The following CNBD1 variants were observed in gnomAD, a reference collection of about 807,000 sequenced individuals.
CNBD1 encodes cyclic nucleotide binding domain containing 1, also known as cyclic nucleotide-binding domain-containing protein 1.
CNBD1 carries 71 observed loss-of-function variants against 54.4 expected under a neutral mutation model. The observed-to-expected ratio is 1.30, with a 90% confidence interval of 1.08 to 1.59. The LOEUF is 1.59. CNBD1 is among the 40% of genes most tolerant of loss of function. The pLI is 0.00. For missense variants in CNBD1, 659 were observed against 518.0 expected, an observed-to-expected ratio of 1.27 and a Z score of -2.64; for synonymous variants, 182 against 170.7, an observed-to-expected ratio of 1.07 and a Z score of -0.51.
intron 4 of CNBD1, among the ~76,000 whole-genome samples, chr8:87,138,929 T>C (rs950406766): frequency 2.0e-5 from 3 of 152,192 alleles, no homozygotes; most frequent in Admixed American, 1.3e-4. Context: ...TAGGAGGCTT[T>C]ATTGAGTAAA....
downstream of CNBD1, chr8:87,382,865 G>T (rs993167293): frequency 5.2e-6 from 2 of 382,784 alleles, no homozygotes; most frequent in African/African-American, 2.0e-5. Flanking sequence ...ATTTACCTCT[G>T]TTGATACGAA....
In CNBD1 at chr8:87,049,798, AGCAGTCCT is replaced by A. The variant is rs1242253204; in HGVS notation, c.431+110047_431+110054del. Among the ~76,000 whole-genome samples the A allele has an allele frequency of 1.4e-3, 209 of 152,322 alleles. 1 individual carries two copies. The highest frequency in any genetic ancestry group is 8.8e-5 in the Non-Finnish European group (6 of 68,030). On this transcript the variant is annotated intron_variant, in intron 4 of 10. Transcript: ENST00000518476. ...TAGCCAGAGACTCCCTTTAGAGGAT[AGCAGTCCT>A]GCTGTATTATGTGGAGTATAAAGAG...
intron 3 of CNBD1, among the ~76,000 whole-genome samples, chr8:86,930,896 T>C (rs1198211409): frequency 6.6e-6 from 1 of 152,076 alleles, no homozygotes; most frequent in Non-Finnish European, 1.5e-5. Flanking sequence ...AGCGGTGGGG[T>C]CTTTTAGTCT....
At chr8:87,189,445 A>T (rs1586317502) in intron 4 of CNBD1, among the ~76,000 whole-genome samples, 1 of 152,294 alleles carries the variant, frequency 6.6e-6, no homozygotes, top group East Asian at 1.9e-4. Flanking sequence ...TCTTCTGCTG[A>T]AATGAAAGGA....
intron 2 of CNBD1, among the ~76,000 whole-genome samples, chr8:87,408,418 GATA>G (rs1459400353): frequency 6.6e-6 from 1 of 151,744 alleles, no homozygotes; most frequent in Non-Finnish European, 1.5e-5. Context: ...TGTATAGACA[GATA>G]ATATTTAATT....
chr8:86,933,200 C>T (rs555001544), intron 3 of CNBD1, among the ~76,000 whole-genome samples: 34 of 152,078 alleles, frequency 2.2e-4, no homozygotes, highest in African/African-American at 4.8e-4. Flanking sequence ...ATCCTAGCTT[C>T]GGGAATAACC....
intron 4 of CNBD1, among the ~76,000 whole-genome samples, chr8:86,967,770 C>A (rs1017681924): frequency 1.3e-5 from 2 of 151,010 alleles, no homozygotes; most frequent in Admixed American, 6.6e-5. Context: ...ACATTCCTGT[C>A]ATATCTCACT....
At chr8:87,382,560 T>G in intron 10 of CNBD1, 60 bp from the exon 11 acceptor site, 1 of 1,411,482 alleles carries the variant, frequency 7.1e-7, no homozygotes, top group South Asian at 1.2e-5. Flanking sequence ...TGTAGGAAAA[T>G]AATTACCAAA....
chr8:87,428,313 C>G lies in CNBD1; in HGVS notation c.214-233C>G, dbSNP rs546882920. ...TTAAGTACTAAACAATTTCCAAATT[C>G]TGAATATAAAGTTGGACATTGTGTA... On this transcript the variant is annotated intron_variant, in intron 2 of 7. Coordinates refer to the CNBD1 transcript ENST00000521593. Among the ~76,000 whole-genome samples, 3 of 152,140 alleles carry G rather than the reference C, an allele frequency of 2.0e-5. No individual in the cohort carries two copies. The South Asian group carries it at 6.2e-4, about 32-fold the overall frequency.
chr8:87,331,599 AATG>A (rs1015736365), intron 8 of CNBD1, among the ~76,000 whole-genome samples: 3 of 152,192 alleles, frequency 2.0e-5, no homozygotes, highest in Non-Finnish European at 4.4e-5. Flanking sequence ...TGCTGGATCA[AATG>A]ATATTTCTAG....
At position 87,258,810 on chromosome 8, in the gene CNBD1, A is replaced by C. The variant is rs115957445; in HGVS notation, c.771+21698A>C. ...TAAAGAGAAAACTTGTGCTTTAAGA[A>C]AACCCTGTTGTGCTTTTATTTACAT... On this transcript the variant is annotated intron_variant, in intron 6 of 10. Coordinates refer to ENST00000518476, the MANE Select transcript of CNBD1 (RefSeq NM_173538.3). 8.4e-3 allele frequency among the ~76,000 whole-genome samples: 1,284 copies of C among 152,290 alleles called. 18 individuals carry two copies. Among genetic ancestry groups the C allele is most frequent in the African/African-American group, 0.029 (1,217 of 41,566 alleles).
chr8:87,051,147 G>A (rs143594090), intron 4 of CNBD1, among the ~76,000 whole-genome samples: 49 of 152,296 alleles, frequency 3.2e-4, no homozygotes, highest in African/African-American at 1.1e-3. Context: ...GATAAAAGCA[G>A]GTTCCTCCAA....
chr8:87,205,591 G>T (rs1813955488), intron 4 of CNBD1, among the ~76,000 whole-genome samples: 1 of 151,952 alleles, frequency 6.6e-6, no homozygotes. Context: ...GTACTTAAAA[G>T]AATTAAGAAT....
At chr8:87,017,107 C>T (rs575937541) in intron 4 of CNBD1, among the ~76,000 whole-genome samples, 63 of 152,226 alleles carry the variant, frequency 4.1e-4, no homozygotes, top group South Asian at 1.2e-3. Flanking sequence ...CTGGGAACCC[C>T]GACCCTTTTC....
intron 2 of CNBD1, among the ~76,000 whole-genome samples, chr8:87,425,244 A>T (rs1326361005): frequency 2.6e-5 from 4 of 152,060 alleles, no homozygotes; most frequent in South Asian, 2.1e-4. Context: ...CAAAGTTTTC[A>T]ACTTCTTTGC....
chr8:86,952,284 G>C (rs1161636241), intron 4 of CNBD1, among the ~76,000 whole-genome samples: 1 of 152,078 alleles, frequency 6.6e-6, no homozygotes, highest in East Asian at 1.9e-4. Context: ...CCTTAACCTT[G>C]GCAAAATAAA....
intron 4 of CNBD1, among the ~76,000 whole-genome samples, chr8:87,080,702 A>G (rs1417718272): frequency 1.3e-5 from 2 of 152,066 alleles, no homozygotes; most frequent in African/African-American, 4.8e-5. Flanking sequence ...AGTCTTCTTT[A>G]TGGAAAGATT....
intron 3 of CNBD1, among the ~76,000 whole-genome samples, chr8:86,923,143 G>A (rs1809302399): frequency 6.6e-6 from 1 of 152,168 alleles, no homozygotes; most frequent in South Asian, 2.1e-4. Flanking sequence ...AATAAAGCGA[G>A]AAAGCACTCC....
At chr8:87,049,009 G>C (rs1043301323) in intron 4 of CNBD1, among the ~76,000 whole-genome samples, 2 of 152,192 alleles carry the variant, frequency 1.3e-5, no homozygotes, top group African/African-American at 4.8e-5. Flanking sequence ...TGTGCTCTGA[G>C]TGTAACCATC....
Sources: allele counts gnomAD v4.1 joint callset (sites outside exome capture counted in the v4.1 genomes callset), GRCh38; gene constraint gnomAD v4.1.1; transcripts MANE v1.5; gene names NCBI Gene and HGNC (gene_info 2026-07-23, HGNC 2026-07-21).